Variants in CELSR3 observed in about 807,000 individuals in gnomAD.
The protein encoded by CELSR3 is cadherin EGF LAG seven-pass G-type receptor 3, also known as EGF-like protein 1.
In CELSR3, 73 loss-of-function variants were observed where a neutral mutation model predicts 270.0. The observed-to-expected ratio is 0.27, with a 90% CI of 0.22 to 0.33. The LOEUF (loss-of-function observed/expected upper bound fraction) is 0.33, where lower values mean the gene tolerates loss of function less well. Among genes scored for constraint, CELSR3 ranks in the 10% least tolerant of loss-of-function variants. The pLI is 1.00. For synonymous variants in CELSR3, 1,780 were observed against 1,905.4 expected, an observed-to-expected ratio of 0.93 and a Z score of 1.71; for missense variants, 3,614 against 4,533.8, an observed-to-expected ratio of 0.80 and a Z score of 5.83.
At position 48,659,025 on chromosome 3, in the gene CELSR3, C is replaced by T; in HGVS notation, c.3610G>A (p.Asp1204Asn). 3.1e-6 allele frequency: 5 copies of T among 1,613,958 alleles called. No homozygotes were observed. The highest frequency in any genetic ancestry group is 3.3e-4 in the Middle Eastern group (2 of 6,062). ...RIPAYDPDVS[D>N]HLFYSFERGN... ...CGCTCAAAGGAGTAGAAGAGGTGGT[C>T]GGAGACATCGGGGTCATAAGCTGGG... The change falls in exon 1 of 35, where the codon GAC (aspartate) becomes AAC (asparagine). Residue 1204 changes from aspartate to asparagine, a missense_variant. This residue lies in a region of CELSR3 where 1,331 missense variants were observed against 1,933.7 expected (regional missense o/e 0.69). Transcript: ENST00000164024. The surrounding 1 kb of genome is among the most constrained non-coding windows in gnomAD (Gnocchi z 8.1).
In CELSR3 at chr3:48,644,850, A is replaced by C. The variant is rs1355117830; in HGVS notation, c.7973-22T>G. 6.2e-7 allele frequency: 1 copy of C among 1,602,616 alleles called. No individual in the cohort carries two copies. Among genetic ancestry groups the C allele is most frequent in the African/African-American group, 1.3e-5 (1 of 74,764 alleles). ...AGGCCTTGGGAAGAGAAAGGGTAGGACTGAGGGTGTGTGTTCCAGAGCTGC... is the reference window on the plus strand; with the variant it reads ...AGGCCTTGGGAAGAGAAAGGGTAGGCCTGAGGGTGTGTGTTCCAGAGCTGC... On this transcript the variant is annotated intron_variant, in intron 25 of 34. Transcript: ENST00000164024. This position sits in a 1 kb window ranked among gnomAD's most constrained non-coding sequence, Gnocchi z 4.8.
Position 48,648,349 on chromosome 3 carries a change from T to G in CELSR3, c.6890A>C (p.His2297Pro). Residue 2297 changes from histidine (H) to proline (P), a missense_variant, in exon 19 of 35, where the codon CAC becomes CCC. Coordinates refer to ENST00000164024, the MANE Select transcript of CELSR3 (RefSeq NM_001407.3). ...GAGTGTGGCTGCATACTCCTCCAGG[T>G]GCCTCACCAGTCCCGCGCTGCCTGG... ...GSPGSAGLVRHLEEYAATLAR... is the reference protein window; with the variant it reads ...GSPGSAGLVRPLEEYAATLAR... 6.2e-7 allele frequency: 1 copy of G among 1,610,972 alleles called. No individual in the cohort carries two copies. The highest frequency in any genetic ancestry group is 1.1e-5 in the South Asian group (1 of 91,020).
rs2047151632 is a variant in CELSR3 at position 48,653,074 on chromosome 3, C to G, written c.5562G>C (p.Glu1854Asp). 1 of 1,613,276 alleles carries G rather than the reference C, an allele frequency of 6.2e-7. No homozygotes were observed. The change falls in exon 10 of 35, where the codon GAG (glutamate) becomes GAC (aspartate). Residue 1854 changes from glutamate to aspartate, a missense_variant. Physicochemically the swap from Glu to Asp is conservative, Grantham distance 45. Transcript: ENST00000164024. This position sits in a 1 kb window ranked among gnomAD's most constrained non-coding sequence, Gnocchi z 6.5. The part of the protein sequence containing the change: ...SDGRWHDLRL[E>D]LQEEPGGRRG... ...GCCGGCCACCTGGTTCCTCCTGCAA[C>G]TCCAGCCGCAGATCGTGCCACCGGC...
intron 34 of CELSR3, 71 bp from the exon 35 acceptor site, chr3:48,638,303 AC>A: frequency 8.5e-7 from 1 of 1,172,888 alleles, no homozygotes; most frequent in Non-Finnish European, 1.3e-6. Flanking sequence ...GGACTCCCCC[AC>A]CACATTTGGC....
chr3:48,646,174 T>G lies in CELSR3; in HGVS notation c.7379A>C (p.Glu2460Ala). 6.2e-7 allele frequency: 1 copy of G among 1,612,832 alleles called. No individual in the cohort carries two copies. Among genetic ancestry groups the G allele is most frequent in the Non-Finnish European group, 8.5e-7 (1 of 1,179,942 alleles). The change falls in exon 22 of 35, where the codon GAG becomes GCG. Residue 2460 changes from glutamate to alanine, a missense_variant. By Grantham distance (107) the Glu-to-Ala change is moderately radical. Transcript: ENST00000164024. This position sits in a 1 kb window ranked among gnomAD's most constrained non-coding sequence, Gnocchi z 4.8. ...HGRNFLRGIL[E>A]SPISLEFRLL... ...GCGAAACTCTAGGCTGATGGGGGAC[T>G]CCAGGATTCCCCTTAGGAAGTTGCG...
rs748112422 is a variant in CELSR3, at chr3:48,662,574, G to T, written c.61C>A (p.Leu21Ile). 2 of 1,556,102 alleles carry T rather than the reference G, an allele frequency of 1.3e-6. No individual in the cohort carries two copies. The highest frequency in any genetic ancestry group is 1.4e-5 in the African/African-American group (1 of 72,932). Residue 21 changes from leucine (L) to isoleucine (I), a missense_variant, in exon 1 of 35, where the codon CTC (leucine) becomes ATC (isoleucine). By Grantham distance (5) the Leu-to-Ile change is conservative (BLOSUM62 2). Transcript: ENST00000164024. This position sits in a 1 kb window ranked among gnomAD's most constrained non-coding sequence, Gnocchi z 7.1. ...LGGRSTPILL[L>I]LLLSLFPLSQ... ...AGGGGGAACAAAGAGAGGAGAAGGA[G>T]CAGGAGTATGGGGGTCGACCGTCCC...
chr3:48,657,152 G>T lies in CELSR3; in HGVS notation c.3945C>A (p.Ile1315=). The change falls in exon 2 of 35, where the codon ATC becomes ATA. Residue 1315 remains isoleucine (I), a synonymous_variant. Transcript: ENST00000164024. The surrounding 1 kb of genome is among the most constrained non-coding windows in gnomAD (Gnocchi z 5.4). ...TPAEDVFIFN[I]QNDTDVGGTV... ...TGCCCCCTACGTCTGTGTCGTTCTGGATGTTGAAGATGAAGACGTCCTCAG... is the reference window on the plus strand; with the variant it reads ...TGCCCCCTACGTCTGTGTCGTTCTGTATGTTGAAGATGAAGACGTCCTCAG... The T allele has an allele frequency of 6.2e-7, 1 of 1,614,048 alleles. No homozygotes were observed. The highest frequency in any genetic ancestry group is 1.3e-5 in the African/African-American group (1 of 75,048).
rs2047043399 is a variant in CELSR3, at chr3:48,642,958, C to A, written c.8406+9G>T. On this transcript the variant is annotated intron_variant, in intron 29 of 34. Transcript: ENST00000164024. This position sits in a 1 kb window ranked among gnomAD's most constrained non-coding sequence, Gnocchi z 6.1. ...ACTCTGGCTTCTCAGGGCCCCCATC[C>A]CGACTCACCAGCCCAGGTGCTGGCC... is the stretch of plus-strand genomic sequence containing the variant. 6.2e-7 allele frequency: 1 copy of A among 1,611,190 alleles called. No homozygotes were observed. Among genetic ancestry groups the A allele is most frequent in the African/African-American group, 1.3e-5 (1 of 75,020 alleles).
chr3:48,661,624 A>G lies in CELSR3; in HGVS notation c.1011T>C (p.Asn337=). 6.2e-7 allele frequency: 1 copy of G among 1,605,408 alleles called. No individual in the cohort carries two copies. Among genetic ancestry groups the G allele is most frequent in the Non-Finnish European group, 8.5e-7 (1 of 1,176,146 alleles). Residue 337 remains asparagine (N), a synonymous_variant, in exon 1 of 35, where the codon AAT becomes AAC. Transcript: ENST00000164024. ...GTAGCACCGCGGTGCCTGCTGCCTC[A>G]TTCTCCGGCACCAGCGTCTGGTAGT... ...QYNYQTLVPE[N]EAAGTAVLRV... is the part of the protein sequence containing the mutation.
Position 48,662,374 on chromosome 3 carries a change from C to G in CELSR3, c.261G>C (p.Gly87=), listed in dbSNP as rs144621109. ...GLGVREPIFV[G]LRGRRQSARN... is the part of the protein sequence containing the mutation. ...GGGCGCTTTGCCTTCTCCCTCGGAG[C>G]CCCACGAAGATAGGCTCCCTGACCC... Residue 87 remains glycine (G), a synonymous_variant, in exon 1 of 35, where the codon GGG becomes GGC. Coordinates refer to ENST00000164024, the MANE Select transcript of CELSR3 (RefSeq NM_001407.3). The surrounding 1 kb of genome is among the most constrained non-coding windows in gnomAD (Gnocchi z 7.1). 1,568 of 1,613,012 alleles carry G rather than the reference C, an allele frequency of 9.7e-4. No individual in the cohort carries two copies. Among genetic ancestry groups the G allele is most frequent in the Non-Finnish European group, 1.2e-3 (1,436 of 1,180,008 alleles).
rs1195525173 is a variant in CELSR3 at position 48,656,986 on chromosome 3, C to G, written c.4111G>C (p.Val1371Leu). The G allele has an allele frequency of 6.2e-7, 1 of 1,612,952 alleles. No individual in the cohort carries two copies. The highest frequency in any genetic ancestry group is 8.5e-7 in the Non-Finnish European group (1 of 1,179,558). Residue 1371 changes from valine to leucine, a missense_variant, in exon 2 of 35, where the codon GTA becomes CTA. This residue lies in a region of CELSR3 where 1,331 missense variants were observed against 1,933.7 expected (regional missense o/e 0.69). Transcript: ENST00000164024. ...CACACGTTGTCGTCGAAGGGCAGTACGTCGAGCAGGGAGCGAGCCGCCAGC... is the reference window on the plus strand; with the variant it reads ...CACACGTTGTCGTCGAAGGGCAGTAGGTCGAGCAGGGAGCGAGCCGCCAGC... ...AALAARSLLD[V>L]LPFDDNVCLR...
At position 48,644,053 on chromosome 3, in the gene CELSR3, G is replaced by A. The variant is rs1037712669; in HGVS notation, c.8165+163C>T. On this transcript the variant is annotated intron_variant, in intron 27 of 34. Coordinates refer to ENST00000164024, the MANE Select transcript of CELSR3 (RefSeq NM_001407.3). The surrounding 1 kb of genome is among the most constrained non-coding windows in gnomAD (Gnocchi z 4.8). ...AGCACATGTGGGGCTACAGTATAGC[G>A]AGGGCGCCAGAGAGGGACCACAGGT... The A allele has an allele frequency of 9.6e-6, 6 of 624,754 alleles. No individual in the cohort carries two copies. The highest frequency in any genetic ancestry group is 3.7e-5 in the African/African-American group (2 of 54,204). 38.7% of individuals were successfully genotyped at this position (624,754 alleles called of 1,614,324 possible). A position where few individuals can be genotyped will look rare whatever the true frequency, so the allele number is the denominator to read the frequency against.
chr3:48,655,405 G>A lies in CELSR3; in HGVS notation c.4742-11C>T. 3.7e-6 allele frequency: 6 copies of A among 1,613,814 alleles called. No homozygotes were observed. The highest frequency in any genetic ancestry group is 5.1e-6 in the Non-Finnish European group (6 of 1,179,738). ...CGGTGTTGGATTCACCTGGAGGGGAGATGCATGTGGAATCATCAGGAGCAG... is the reference window on the plus strand; with the variant it reads ...CGGTGTTGGATTCACCTGGAGGGGAAATGCATGTGGAATCATCAGGAGCAG... On this transcript the variant is annotated splice_polypyrimidine_tract_variant and intron_variant, in intron 4 of 34. Coordinates refer to ENST00000164024, the MANE Select transcript of CELSR3 (RefSeq NM_001407.3). The surrounding 1 kb of genome is among the most constrained non-coding windows in gnomAD (Gnocchi z 5.8).
Position 48,639,307 on chromosome 3 carries a change from G to T in CELSR3, c.9911+367C>A, listed in dbSNP as rs1414568588. Among the ~76,000 whole-genome samples the T allele has an allele frequency of 6.6e-6, 1 of 152,126 alleles. No individual in the cohort carries two copies. Among genetic ancestry groups the T allele is most frequent in the African/African-American group, 2.4e-5 (1 of 41,424 alleles). On this transcript the variant is annotated intron_variant, in intron 34 of 34. Coordinates refer to ENST00000164024, the MANE Select transcript of CELSR3 (RefSeq NM_001407.3). The surrounding 1 kb of genome is among the most constrained non-coding windows in gnomAD (Gnocchi z 4.1). ...TGACCCCCTAGGCGAACCTTCCCAA[G>T]CAAGGCCTCCTGCTCTCCTCCCTGC...
At position 48,646,701 on chromosome 3, in the gene CELSR3, C is replaced by CA; in HGVS notation, c.7295+61dup. On this transcript the variant is annotated intron_variant, in intron 21 of 34. Coordinates refer to ENST00000164024, the MANE Select transcript of CELSR3 (RefSeq NM_001407.3). The surrounding 1 kb of genome is among the most constrained non-coding windows in gnomAD (Gnocchi z 4.8). ...GTTGTGAACCTACGCATCTACCCAC[C>CA]AAAAAAGGGGCTGCCAGGCTGAGAA... The CA allele has an allele frequency of 3.2e-6, 5 of 1,544,974 alleles. No individual in the cohort carries two copies. Among genetic ancestry groups the CA allele is most frequent in the East Asian group, 2.3e-5 (1 of 43,704 alleles).
chr3:48,650,149 GA>G lies in CELSR3; in HGVS notation c.6472+330del. The G allele has an allele frequency of 2.7e-5, 13 of 485,848 alleles. 1 individual carries two copies. Among genetic ancestry groups the G allele is most frequent in the South Asian group, 2.0e-4 (13 of 64,752 alleles). The allele number at this position is 485,848 out of a possible 1,614,324, so 30.1% of individuals were successfully genotyped here. On this transcript the variant is annotated intron_variant, in intron 16 of 34. Transcript: ENST00000164024. This position sits in a 1 kb window ranked among gnomAD's most constrained non-coding sequence, Gnocchi z 5.1. ...GGCCCCTGGGGTACTCAGATAGCCA[GA>G]AGGGGCCTGCAGGGACTTTAGGCAG...
rs2077033547 is a variant in CELSR3, at chr3:48,657,569, G to A, written c.3749-221C>T. On this transcript the variant is annotated intron_variant, in intron 1 of 34. Coordinates refer to ENST00000164024, the MANE Select transcript of CELSR3 (RefSeq NM_001407.3). The surrounding 1 kb of genome is among the most constrained non-coding windows in gnomAD (Gnocchi z 5.4). Reference sequence around the variant, plus strand: ...CTTCCTCCCCCAATCCCCAATACACGGAGGGGTCTGGGCCAAGGATCAAGC... The same window carrying A: ...CTTCCTCCCCCAATCCCCAATACACAGAGGGGTCTGGGCCAAGGATCAAGC... Among the ~76,000 whole-genome samples the A allele has an allele frequency of 6.6e-6, 1 of 152,110 alleles. No homozygotes were observed. Among genetic ancestry groups the A allele is most frequent in the South Asian group, 2.1e-4 (1 of 4,824 alleles).
In CELSR3 at chr3:48,654,237, C is replaced by G. The variant is rs1159490613; in HGVS notation, c.5152+52G>C. ...CAGGTATGGAGTCCTCCACTTCCTC[C>G]CTATGATGGGGACAGGGCCATGGGC... On this transcript the variant is annotated intron_variant, in intron 7 of 34. Transcript: ENST00000164024. The surrounding 1 kb of genome is among the most constrained non-coding windows in gnomAD (Gnocchi z 5.4). 3 of 1,606,522 alleles carry G rather than the reference C, an allele frequency of 1.9e-6. No individual in the cohort carries two copies. In the African/African-American group the frequency reaches 4.0e-5, roughly 21 times the overall value.
chr3:48,651,460 G>A lies in CELSR3; in HGVS notation c.6085C>T (p.Arg2029Trp), dbSNP rs763514682. The A allele has an allele frequency of 5.6e-6, 9 of 1,613,866 alleles. No homozygotes were observed. Among genetic ancestry groups the A allele is most frequent in the East Asian group, 2.2e-5 (1 of 44,882 alleles). Residue 2029 changes from arginine (R) to tryptophan (W), a missense_variant, in exon 14 of 35, where the codon CGG (arginine) becomes TGG (tryptophan). By Grantham distance (101) the Arg-to-Trp change is moderately radical. Around this residue, in one of 7 missense-constraint regions of CELSR3, gnomAD observed 1,331 missense variants for 1,933.7 expected, o/e 0.69. Coordinates refer to ENST00000164024, the MANE Select transcript of CELSR3 (RefSeq NM_001407.3). This position sits in a 1 kb window ranked among gnomAD's most constrained non-coding sequence, Gnocchi z 7.4. ...CAGGTTGGGCTCCCCCACCAGCCCC[G>A]TGGGCACTGCTGGTCCATCCTGGGG... ...CEHRMDQQCP[R>W]GWWGSPTCGP...
Sources: gnomAD v4.1 joint callset for allele counts (sites outside exome capture counted in the v4.1 genomes callset) on GRCh38, gnomAD v4.1.1 for gene constraint, gnomAD v4.1.1 regional missense constraint, Gnocchi (gnomAD v3.1) non-coding constraint, MANE v1.5 for transcripts, NCBI Gene and HGNC (gene_info 2026-07-23, HGNC 2026-07-21) for gene names.